Variants in PARVB observed in about 807,000 individuals in gnomAD.
The protein encoded by PARVB is beta-parvin.
PARVB carries 46 observed loss-of-function variants against 47.0 expected under a neutral mutation model. The observed-to-expected ratio is 0.98, with a 90% CI of 0.77 to 1.25. PARVB has a LOEUF of 1.25. PARVB is among the 50% of genes most tolerant of loss of function. PARVB has a pLI of 0.00. For synonymous variants in PARVB, 196 were observed against 196.3 expected (o/e 1.00, Z 0.01); for missense variants, 473 against 471.6 (o/e 1.00, Z -0.03).
intron 10 of PARVB, chr22:44,151,755 A>G (rs2147149975): frequency 1.8e-6 from 1 of 549,960 alleles, no homozygotes; most frequent in African/African-American, 1.9e-5. Flanking sequence ...AAGCACCACA[A>G]ACCTAGTGGC....
At chr22:44,094,585 G>T (rs2052254553) in intron 2 of PARVB, among the ~76,000 whole-genome samples, 1 of 145,956 alleles carries the variant, frequency 6.9e-6, no homozygotes, top group Non-Finnish European at 1.6e-5. Context: ...TACCGTCCAG[G>T]TTCAAGTGAT....
intron 1 of PARVB, among the ~76,000 whole-genome samples, chr22:44,032,588 C>T (rs2050845370): frequency 6.6e-6 from 1 of 152,094 alleles, no homozygotes; most frequent in Non-Finnish European, 1.5e-5. Flanking sequence ...CCTGATGGTC[C>T]CTTGTGGAGC....
Position 44,169,183 on chromosome 22 carries a change from T to G in PARVB, c.*505T>G, listed in dbSNP as rs1217250458. ...TCCTGGGCTGGGCTCTCCTTGGAAG[T>G]GAGGCCTTTTATTAAAAATAAAAGG... is the stretch of plus-strand genomic sequence containing the variant. On this transcript the variant is annotated 3_prime_UTR_variant, in exon 13 of 13. Transcript: ENST00000338758. The G allele has an allele frequency of 3.3e-5, 5 of 151,358 alleles. No individual in the cohort carries two copies. Among genetic ancestry groups the G allele is most frequent in the African/African-American group, 1.3e-4 (5 of 39,366 alleles). 9.4% of individuals were successfully genotyped at this position (151,358 alleles called of 1,614,324 possible).
intron 6 of PARVB, among the ~76,000 whole-genome samples, chr22:44,134,303 G>C (rs2053394361): frequency 2.0e-5 from 3 of 152,132 alleles, no homozygotes. Context: ...GGGACCTGGG[G>C]GGCCATTCCT....
chr22:44,068,925 C>T lies in PARVB; in HGVS notation c.113-25003C>T, dbSNP rs1385340731. On this transcript the variant is annotated intron_variant, in intron 1 of 12. Transcript: ENST00000338758. The surrounding 1 kb of genome is among the most constrained non-coding windows in gnomAD (Gnocchi z 4.1). The stretch of plus-strand genomic sequence containing the variant: ...CCCATGAGGCTGATGGGAGTCAAGA[C>T]AGAAATAGTGGTCTGTGGTCAGCAA... 1.8e-6 allele frequency: 1 copy of T among 568,956 alleles called. No individual in the cohort carries two copies. The highest frequency in any genetic ancestry group is 3.1e-6 in the Non-Finnish European group (1 of 319,026). 35.2% of individuals were successfully genotyped at this position (568,956 alleles called of 1,614,324 possible).
chr22:44,032,554 GCTT>G (rs2050844779), intron 1 of PARVB, among the ~76,000 whole-genome samples: 1 of 152,140 alleles, frequency 6.6e-6, no homozygotes, highest in Admixed American at 6.6e-5. Flanking sequence ...TGGATCTGTT[GCTT>G]CTTCTCTCTA....
chr22:44,016,218 T>C (rs543208743), intron 2 of PARVB, among the ~76,000 whole-genome samples: 1 of 150,916 alleles, frequency 6.6e-6, no homozygotes, highest in East Asian at 2.0e-4. Flanking sequence ...TGCCTCAGCC[T>C]CCCGAGTAGC....
rs780440075 is a variant in PARVB at position 44,135,138 on chromosome 22, TC to T, written c.634-1319del. 5.5e-4 allele frequency among the ~76,000 whole-genome samples: 84 copies of T among 152,278 alleles called. No individual in the cohort carries two copies. In the Middle Eastern group the frequency reaches 0.014, roughly 25 times the overall value. On this transcript the variant is annotated intron_variant, in intron 6 of 12. Transcript: ENST00000338758. ...TGGGCTGGCCCAGCGGGAAATGAGT[TC>T]CCAGTCCCTTGAGGGGTTCAGTGGT...
At chr22:44,084,091 G>T (rs973290616) in intron 1 of PARVB, among the ~76,000 whole-genome samples, 17 of 152,334 alleles carry the variant, frequency 1.1e-4, no homozygotes, top group South Asian at 4.1e-4. Flanking sequence ...GCTCTGTATA[G>T]TGGTAAGATG....
Position 44,122,488 on chromosome 22 carries a change from A to AAGAGAGAGAGAGAGAG in PARVB, c.376+3364_376+3379dup, listed in dbSNP as rs766162295. 9.1e-4 allele frequency among the ~76,000 whole-genome samples: 70 copies of AAGAGAGAGAGAGAGAG among 76,658 alleles called. 5 individuals carry two copies. The highest frequency in any genetic ancestry group is 1.9e-3 in the East Asian group (5 of 2,610). 50.3% of individuals were successfully genotyped at this position (76,658 alleles called of 152,430 possible). On this transcript the variant is annotated intron_variant, in intron 4 of 12. Coordinates refer to ENST00000338758, the MANE Select transcript of PARVB (RefSeq NM_013327.5). Reference sequence around the variant, plus strand: ...GCAACAGAGTGAGACCCTGTCGATCAAGAGAGAGAGAGAGAGAGAGAGAGA... The same window carrying AAGAGAGAGAGAGAGAG: ...GCAACAGAGTGAGACCCTGTCGATCAAGAGAGAGAGAGAGAGAGAGAGAGAGAGAGAGAGAGAGAGA...
Position 44,132,407 on chromosome 22 carries a change from A to G in PARVB, c.518-487A>G, listed in dbSNP as rs117119634. Among the ~76,000 whole-genome samples the G allele has an allele frequency of 2.8e-4, 42 of 152,306 alleles. 1 individual carries two copies. The East Asian group carries it at 5.4e-3, about 20-fold the overall frequency. ...TGAGTCCGCATGCTGAGGAAGAGAG[A>G]GGACAGACTCAGGCAAGGCAGGGGC... is the stretch of plus-strand genomic sequence containing the variant. On this transcript the variant is annotated intron_variant, in intron 5 of 12. Coordinates refer to ENST00000338758, the MANE Select transcript of PARVB (RefSeq NM_013327.5).
At chr22:44,129,309 C>A (rs993936159) in intron 4 of PARVB, among the ~76,000 whole-genome samples, 2 of 152,170 alleles carry the variant, frequency 1.3e-5, no homozygotes, top group African/African-American at 4.8e-5. Flanking sequence ...GACTTCTGGC[C>A]TCCAGAGCTG....
chr22:44,025,071 T>C (rs1256284386), intron 1 of PARVB, among the ~76,000 whole-genome samples: 3 of 152,142 alleles, frequency 2.0e-5, no homozygotes, highest in Non-Finnish European at 4.4e-5. Flanking sequence ...TGTCTTTAAG[T>C]GTACCGCTTG....
intron 4 of PARVB, among the ~76,000 whole-genome samples, chr22:44,119,355 C>A (rs1034759601): frequency 1.3e-5 from 2 of 152,220 alleles, no homozygotes; most frequent in African/African-American, 4.8e-5. Context: ...AGCCATGGGG[C>A]AGCAGCAGGT....
chr22:44,061,551 T>A (rs1162195700), intron 1 of PARVB, among the ~76,000 whole-genome samples: 2 of 152,180 alleles, frequency 1.3e-5, no homozygotes, highest in Admixed American at 6.5e-5. Flanking sequence ...TTGTTTATGA[T>A]GTGAGACCTC....
intron 2 of PARVB, among the ~76,000 whole-genome samples, chr22:44,099,238 G>A (rs2052382552): frequency 6.6e-6 from 1 of 152,212 alleles, no homozygotes; most frequent in Non-Finnish European, 1.5e-5. Flanking sequence ...CAGTGTGGCA[G>A]CCTGAGACCC....
At chr22:44,109,969 C>G (rs1411818427) in intron 3 of PARVB, 1 of 151,038 alleles carries the variant, frequency 6.6e-6, no homozygotes, top group African/African-American at 2.4e-5. Context: ...AAAAATTAGC[C>G]GGGCGTAGTG....
chr22:44,063,900 G>A (rs966845738), intron 1 of PARVB, among the ~76,000 whole-genome samples: 6 of 152,146 alleles, frequency 3.9e-5, no homozygotes, highest in East Asian at 1.9e-4. Flanking sequence ...GCCACATTCC[G>A]TGTCACTTCC....
chr22:44,091,796 C>G (rs1448118439), intron 1 of PARVB, among the ~76,000 whole-genome samples: 1 of 152,212 alleles, frequency 6.6e-6, no homozygotes, highest in Non-Finnish European at 1.5e-5. Flanking sequence ...ACTTCCTAAC[C>G]CCAACCTGTA....
Sources: gnomAD v4.1 joint callset for allele counts (sites outside exome capture counted in the v4.1 genomes callset) on GRCh38, gnomAD v4.1.1 for gene constraint, Gnocchi (gnomAD v3.1) non-coding constraint, MANE v1.5 for transcripts, NCBI Gene and HGNC (gene_info 2026-07-23, HGNC 2026-07-21) for gene names.